Variants in MTA3 observed in about 807,000 individuals in gnomAD.
The protein encoded by MTA3 is metastasis-associated protein MTA3.
Under a neutral mutation model 83.5 loss-of-function variants are expected in MTA3, and 34 were observed. That is an observed-to-expected ratio of 0.41 (90% confidence interval 0.31 to 0.54). The LOEUF is 0.54. Ranked by LOEUF, MTA3 falls within the 20% of genes least tolerant of loss-of-function variation. The pLI is 0.33. For missense variants in MTA3, 761 were observed against 726.4 expected (o/e 1.05, Z -0.55); for synonymous variants, 303 against 252.7 (o/e 1.20, Z -1.89).
chr2:42,553,088 G>A (rs898230782), intron 2 of MTA3, among the ~76,000 whole-genome samples: 4 of 151,946 alleles, frequency 2.6e-5, no homozygotes, highest in African/African-American at 9.7e-5. Flanking sequence ...ATCAGCCTGG[G>A]CAACATAGGG....
At chr2:42,705,434 G>A (rs1333249142) in intron 12 of MTA3, among the ~76,000 whole-genome samples, 2 of 152,218 alleles carry the variant, frequency 1.3e-5, no homozygotes, top group African/African-American at 4.8e-5. Context: ...GCAGGGTGCT[G>A]TGGCTCATGC....
intron 8 of MTA3, among the ~76,000 whole-genome samples, chr2:42,667,588 G>GTGTGTGTT (rs1690366448): frequency 5.4e-5 from 7 of 130,264 alleles, no homozygotes; most frequent in African/African-American, 1.8e-4. Context: ...GTGTGTGTGT[G>GTGTGTGTT]TGTGTGTGTG....
At chr2:42,510,970 A>G (rs1025829443) in intron 2 of MTA3, among the ~76,000 whole-genome samples, 2 of 152,212 alleles carry the variant, frequency 1.3e-5, no homozygotes, top group Admixed American at 6.5e-5. Context: ...ACCAACATTA[A>G]TGAACCAAAA....
intron 2 of MTA3, among the ~76,000 whole-genome samples, chr2:42,523,086 A>G (rs535572106): frequency 6.6e-6 from 1 of 152,238 alleles, no homozygotes; most frequent in East Asian, 1.9e-4. Flanking sequence ...GCTAGAATAC[A>G]GGCGTGGGCC....
intron 7 of MTA3, among the ~76,000 whole-genome samples, chr2:42,658,331 G>T (rs1689358292): frequency 6.6e-6 from 1 of 152,070 alleles, no homozygotes; most frequent in Non-Finnish European, 1.5e-5. Context: ...CAGCAGAAAT[G>T]CATATACCTT....
Position 42,753,174 on chromosome 2 carries a change from C to T in MTA3, c.1760-200C>T, listed in dbSNP as rs372917887. 3.3e-4 allele frequency among the ~76,000 whole-genome samples: 50 copies of T among 152,340 alleles called. No individual in the cohort carries two copies. The East Asian group carries it at 9.5e-3, about 29-fold the overall frequency. ...GAACTTCTGGCCTCAAGCCATCCAC[C>T]GGCCTTGGCCTCTCAAAGTGCTGGG... On this transcript the variant is annotated intron_variant, in intron 16 of 16. Coordinates refer to ENST00000405094, the MANE Select transcript of MTA3 (RefSeq NM_001330442.2).
At chr2:42,751,132 C>G (rs188353411) in intron 16 of MTA3, among the ~76,000 whole-genome samples, 21 of 152,310 alleles carry the variant, frequency 1.4e-4, no homozygotes, top group Non-Finnish European at 2.2e-4. Context: ...AACTCAGAAG[C>G]CACCAGCTAG....
At chr2:42,699,796 A>AT (rs1182393569) in intron 11 of MTA3, among the ~76,000 whole-genome samples, 1 of 152,120 alleles carries the variant, frequency 6.6e-6, no homozygotes, top group Non-Finnish European at 1.5e-5. Flanking sequence ...TACTGGATGT[A>AT]TTGGTCTTAA....
chr2:42,586,534 AAC>A (rs141993233), intron 3 of MTA3, among the ~76,000 whole-genome samples: 47,954 of 131,066 alleles, frequency 0.37, 10,037 homozygotes, highest in Middle Eastern at 0.52. Context: ...AGGAAGGAAA[AAC>A]ACACACACAC....
chr2:42,646,770 C>A (rs1480816577), intron 6 of MTA3, among the ~76,000 whole-genome samples: 1 of 152,128 alleles, frequency 6.6e-6, no homozygotes, highest in South Asian at 2.1e-4. Context: ...ATGCTGTGAA[C>A]ACTGTTGAAA....
chr2:42,702,044 C>A (rs959533990), intron 11 of MTA3, among the ~76,000 whole-genome samples: 1 of 152,084 alleles, frequency 6.6e-6, no homozygotes, highest in African/African-American at 2.4e-5. Context: ...AACTCCGTCT[C>A]TACTAAAAAT....
chr2:42,756,363 TAGTGAAACCC>T lies in MTA3; in HGVS notation c.*2968_*2977del, dbSNP rs2104617409. 1.4e-6 allele frequency: 1 copy of T among 700,532 alleles called. No homozygotes were observed. Among genetic ancestry groups the T allele is most frequent in the African/African-American group, 1.9e-5 (1 of 51,784 alleles). 43.4% of individuals were successfully genotyped at this position (700,532 alleles called of 1,614,324 possible). ...CCAGAGTCCTGCAGGTGCCTCACAG[TAGTGAAACCC>T]AGTTGGAAGCAGCTGCCCTGGGAGC... On this transcript the variant is annotated 3_prime_UTR_variant, in exon 17 of 17. Coordinates refer to ENST00000405094, the MANE Select transcript of MTA3 (RefSeq NM_001330442.2).
intron 2 of MTA3, among the ~76,000 whole-genome samples, chr2:42,552,623 C>T (rs1351388647): frequency 2.3e-5 from 2 of 88,408 alleles, no homozygotes; most frequent in Admixed American, 1.3e-4. Context: ...ACTCCTTGTC[C>T]AAAAAAAAAA....
intron 4 of MTA3, among the ~76,000 whole-genome samples, chr2:42,615,677 A>G (rs1684779553): frequency 6.8e-6 from 1 of 147,300 alleles, no homozygotes; most frequent in Admixed American, 6.8e-5. Context: ...TTCTTTAAGG[A>G]AATAAGTCAC....
At chr2:42,641,658 C>G (rs961265998) in intron 5 of MTA3, among the ~76,000 whole-genome samples, 4 of 151,952 alleles carry the variant, frequency 2.6e-5, no homozygotes, top group Admixed American at 2.0e-4. Context: ...CCAGCCTGAC[C>G]AACGTGGTGA....
At position 42,729,190 on chromosome 2, in the gene MTA3, G is replaced by A. The variant is rs114123650; in HGVS notation, c.1759+6155G>A. On this transcript the variant is annotated intron_variant, in intron 16 of 16. Transcript: ENST00000405094. ...CTCACTGCAAGCTCTACCTTCCGGG[G>A]GGTTCATGCAATTCTCCTGCCTCAG... Among the ~76,000 whole-genome samples the A allele has an allele frequency of 8.5e-3, 1,237 of 145,010 alleles. 12 individuals are homozygous for A. The highest frequency in any genetic ancestry group is 0.02 in the African/African-American group (795 of 38,934).
rs1408847467 is a variant in MTA3, at chr2:42,549,444, CATATA to C, written c.-140-20987_-140-20983del. 1.3e-3 allele frequency among the ~76,000 whole-genome samples: 54 copies of C among 41,720 alleles called. 2 individuals carry two copies. The highest frequency in any genetic ancestry group is 8.9e-3 in the East Asian group (20 of 2,252). The allele number at this position is 41,720 out of a possible 152,430, so 27.4% of individuals were successfully genotyped here. ...ATATAATATATAATATATACGTATA[CATATA>C]ATATATTATATATACATATTATATA... On this transcript the variant is annotated intron_variant, in intron 2 of 17. Transcript: ENST00000405592.
chr2:42,549,517 GATATA>G (rs1262326951), intron 2 of MTA3, among the ~76,000 whole-genome samples: 7 of 99,702 alleles, frequency 7.0e-5, no homozygotes, highest in South Asian at 2.7e-4. Context: ...TAATATATAT[GATATA>G]ATATATAATA....
intron 2 of MTA3, among the ~76,000 whole-genome samples, chr2:42,549,285 A>C (rs1407340910): frequency 7.9e-6 from 1 of 126,968 alleles, no homozygotes; most frequent in African/African-American, 3.0e-5. Context: ...TATATGTAAT[A>C]TATAATGTAT....
Sources: allele counts gnomAD v4.1 joint callset (sites outside exome capture counted in the v4.1 genomes callset), GRCh38; gene constraint gnomAD v4.1.1; transcripts MANE v1.5; gene names NCBI Gene and HGNC (gene_info 2026-07-23, HGNC 2026-07-21).